RBMS3: variants seen among roughly 807,000 people sequenced by gnomAD.
RBMS3 encodes the protein RNA binding motif single stranded interacting protein 3.
RBMS3 carries 27 observed loss-of-function variants against 66.8 expected under a neutral mutation model. The observed-to-expected ratio is 0.40, with a 90% confidence interval of 0.30 to 0.56. The LOEUF is 0.56. Among genes scored for constraint, RBMS3 ranks in the 20% least tolerant of loss-of-function variants. The probability of loss-of-function intolerance (pLI) is 0.40; values close to 1 mark genes in which losing one functional copy is unlikely to be tolerated. For synonymous variants in RBMS3, 188 were observed against 183.0 expected (o/e 1.03, Z -0.22); for missense variants, 513 against 549.5 (o/e 0.93, Z 0.66).
chr3:29,943,955 A>G (rs896489011), intron 11 of RBMS3, among the ~76,000 whole-genome samples: 1 of 151,714 alleles, frequency 6.6e-6, no homozygotes, highest in East Asian at 1.9e-4. Context: ...GCTGTGGAAG[A>G]TGACAGTGTT....
intron 14 of RBMS3, 97 bp downstream of exon 14, chr3:29,991,306 C>A: frequency 6.4e-7 from 1 of 1,554,410 alleles, no homozygotes; most frequent in Non-Finnish European, 8.7e-7. Flanking sequence ...AAATATAAAC[C>A]ATCCCAAACT....
chr3:29,682,346 G>T (rs2051534070), intron 4 of RBMS3, among the ~76,000 whole-genome samples: 1 of 152,126 alleles, frequency 6.6e-6, no homozygotes, highest in Non-Finnish European at 1.5e-5. Context: ...AGTAGAGACG[G>T]GTTTCACCAT....
At chr3:29,381,155 A>T (rs180894483) in intron 1 of RBMS3, among the ~76,000 whole-genome samples, 1 of 152,240 alleles carries the variant, frequency 6.6e-6, no homozygotes, top group Admixed American at 6.5e-5. Context: ...CAGAAAGGGG[A>T]GAGGTCATAT....
intron 1 of RBMS3, among the ~76,000 whole-genome samples, chr3:29,371,042 G>A (rs942831421): frequency 5.9e-5 from 9 of 152,286 alleles, no homozygotes; most frequent in East Asian, 3.9e-4. Flanking sequence ...ATTTTTAAGC[G>A]ATCTTTGTTT....
intron 2 of RBMS3, among the ~76,000 whole-genome samples, chr3:29,475,510 A>C (rs540706894): frequency 2.6e-5 from 4 of 152,276 alleles, no homozygotes; most frequent in African/African-American, 9.6e-5. Flanking sequence ...TCAGCCTCCC[A>C]AAGTGCTGGG....
intron 1 of RBMS3, among the ~76,000 whole-genome samples, chr3:29,431,505 A>C (rs192600258): frequency 2.2e-4 from 33 of 151,710 alleles, no homozygotes; most frequent in Non-Finnish European, 4.1e-4. Flanking sequence ...GTTGGCCAGG[A>C]TGGTCTTGAT....
chr3:29,429,502 C>T (rs1295069282), intron 1 of RBMS3, among the ~76,000 whole-genome samples: 1 of 152,134 alleles, frequency 6.6e-6, no homozygotes, highest in Non-Finnish European at 1.5e-5. Flanking sequence ...ACTAACCAAG[C>T]ATATGCAGCT....
intron 5 of RBMS3, among the ~76,000 whole-genome samples, chr3:29,761,150 G>A (rs2055668878): frequency 6.6e-6 from 1 of 152,080 alleles, no homozygotes; most frequent in Non-Finnish European, 1.5e-5. Flanking sequence ...GTGCAGGGTT[G>A]TTCTAAGTGT....
chr3:29,570,487 A>C (rs112386616), intron 3 of RBMS3, among the ~76,000 whole-genome samples: 2,688 of 152,134 alleles, frequency 0.018, 71 homozygotes, highest in African/African-American at 0.061. Context: ...TACAGTTCCC[A>C]GCCTCTGGTA....
intron 6 of RBMS3, among the ~76,000 whole-genome samples, chr3:29,787,651 A>G (rs2056864565): frequency 6.6e-6 from 1 of 152,202 alleles, no homozygotes; most frequent in Non-Finnish European, 1.5e-5. Context: ...ATGCAAAGGC[A>G]TAAGAATTAT....
At chr3:29,762,511 A>T (rs2055736247) in intron 5 of RBMS3, among the ~76,000 whole-genome samples, 1 of 152,156 alleles carries the variant, frequency 6.6e-6, no homozygotes. Context: ...AAGGTAGTTT[A>T]TCTGTTTAAG....
intron 1 of RBMS3, among the ~76,000 whole-genome samples, chr3:29,328,171 T>C (rs187468711): frequency 3.3e-5 from 5 of 152,318 alleles, no homozygotes; most frequent in Admixed American, 3.3e-4. Flanking sequence ...GTGGCACGTT[T>C]AAATAGTTTA....
At chr3:29,915,450 A>G (rs1188373417) in intron 10 of RBMS3, among the ~76,000 whole-genome samples, 1 of 151,918 alleles carries the variant, frequency 6.6e-6, no homozygotes, top group Non-Finnish European at 1.5e-5. Flanking sequence ...TGCCCTGAAT[A>G]TGTTATACAT....
chr3:29,807,639 A>G (rs113230472), intron 6 of RBMS3, among the ~76,000 whole-genome samples: 4,987 of 152,056 alleles, frequency 0.033, 116 homozygotes, highest in Non-Finnish European at 0.05. Context: ...CTACACAGAC[A>G]TTTAAAAAGA....
chr3:29,425,216 C>CAA (rs71091059), intron 1 of RBMS3, among the ~76,000 whole-genome samples: 27,498 of 119,400 alleles, frequency 0.23, 2,438 homozygotes, highest in Non-Finnish European at 0.29. Context: ...CCAAAAAAAA[C>CAA]AAAAAAAAAA....
At chr3:29,755,618 G>A (rs1392812260) in intron 5 of RBMS3, among the ~76,000 whole-genome samples, 1 of 152,226 alleles carries the variant, frequency 6.6e-6, no homozygotes, top group Non-Finnish European at 1.5e-5. Context: ...CCACAAGGGT[G>A]TTTCCAGAGT....
At chr3:29,753,776 G>A (rs2055288329) in intron 5 of RBMS3, among the ~76,000 whole-genome samples, 1 of 152,136 alleles carries the variant, frequency 6.6e-6, no homozygotes, top group African/African-American at 2.4e-5. Flanking sequence ...AAAAGACCCA[G>A]TGAGAGGAAT....
chr3:29,340,584 C>T (rs189276218), intron 1 of RBMS3, among the ~76,000 whole-genome samples: 52 of 152,212 alleles, frequency 3.4e-4, no homozygotes, highest in African/African-American at 1.2e-3. Flanking sequence ...AGAGATTTGA[C>T]AAAATGCCAC....
At chr3:29,891,214 T>C (rs2059994389) in intron 8 of RBMS3, among the ~76,000 whole-genome samples, 1 of 151,638 alleles carries the variant, frequency 6.6e-6, no homozygotes, top group South Asian at 2.1e-4. Flanking sequence ...CGAAGTTAGC[T>C]TGATTGTTAG....
Sources: allele counts gnomAD v4.1 joint callset (sites outside exome capture counted in the v4.1 genomes callset), GRCh38; gene constraint gnomAD v4.1.1; transcripts MANE v1.5; gene names NCBI Gene and HGNC (gene_info 2026-07-23, HGNC 2026-07-21).